DENND1A: variants seen among roughly 807,000 people sequenced by gnomAD.
DENND1A encodes the protein DENN domain containing 1A, also known as DENN domain-containing protein 1A.
In DENND1A, 51 loss-of-function variants were observed where a neutral mutation model predicts 113.7. That is an observed-to-expected ratio of 0.45 (90% CI 0.36 to 0.57). The LOEUF (loss-of-function observed/expected upper bound fraction) is 0.57, where lower values mean the gene tolerates loss of function less well. Ranked by LOEUF, DENND1A falls within the 20% of genes least tolerant of loss-of-function variation. The pLI is 0.00. For missense variants in DENND1A, 1,258 were observed against 1,395.9 expected (o/e 0.90, Z 1.57); for synonymous variants, 565 against 570.8 (o/e 0.99, Z 0.14).
At chr9:123,528,467 C>CTAGAATT (rs1278897134) in intron 13 of DENND1A, among the ~76,000 whole-genome samples, 1 of 152,206 alleles carries the variant, frequency 6.6e-6, no homozygotes, top group African/African-American at 2.4e-5. Context: ...GGATCCCTAG[C>CTAGAATT]TAGAATTTTA....
chr9:123,498,777 C>T (rs1465007828), intron 13 of DENND1A, among the ~76,000 whole-genome samples: 1 of 151,694 alleles, frequency 6.6e-6, no homozygotes, highest in African/African-American at 2.4e-5. Context: ...AGCTGGAGTA[C>T]AGTGGCGTGA....
intron 2 of DENND1A, among the ~76,000 whole-genome samples, chr9:123,841,659 C>G (rs1019329996): frequency 6.6e-6 from 1 of 152,024 alleles, no homozygotes; most frequent in Non-Finnish European, 1.5e-5. Context: ...AAGGTTCCCC[C>G]CTAAGGATGA....
At chr9:123,662,940 A>G (rs72757131) in intron 8 of DENND1A, among the ~76,000 whole-genome samples, 2,677 of 152,322 alleles carry the variant, frequency 0.018, 29 homozygotes, top group Non-Finnish European at 0.028. Context: ...AGGAAAATCA[A>G]TAAGTGATAT....
intron 2 of DENND1A, among the ~76,000 whole-genome samples, chr9:123,836,533 T>C (rs902054385): frequency 1.3e-5 from 2 of 152,144 alleles, no homozygotes; most frequent in Admixed American, 6.5e-5. Flanking sequence ...AAAAAGGATA[T>C]ATAATAAAAT....
intron 5 of DENND1A, among the ~76,000 whole-genome samples, chr9:123,722,386 A>G (rs1008656956): frequency 6.6e-6 from 1 of 152,252 alleles, no homozygotes; most frequent in African/African-American, 2.4e-5. Flanking sequence ...CATTTTGCTG[A>G]GGAGAAATTC....
chr9:123,667,687 T>C (rs1180518369), intron 7 of DENND1A, among the ~76,000 whole-genome samples: 1 of 152,194 alleles, frequency 6.6e-6, no homozygotes, highest in African/African-American at 2.4e-5. Context: ...GGTTTCATAA[T>C]TTATTGTTCA....
chr9:123,885,244 A>G (rs558868710), intron 1 of DENND1A, among the ~76,000 whole-genome samples: 1 of 152,316 alleles, frequency 6.6e-6, no homozygotes, highest in South Asian at 2.1e-4. Context: ...ATCTCCAGGC[A>G]CTGATACTTT....
intron 2 of DENND1A, among the ~76,000 whole-genome samples, chr9:123,797,464 C>T (rs1833955116): frequency 1.3e-5 from 2 of 152,108 alleles, no homozygotes; most frequent in African/African-American, 2.4e-5. Context: ...CCCCAAAATA[C>T]ACCCAGAAAT....
chr9:123,721,699 G>A (rs1186015560), intron 5 of DENND1A, among the ~76,000 whole-genome samples: 1 of 152,176 alleles, frequency 6.6e-6, no homozygotes, highest in Non-Finnish European at 1.5e-5. Flanking sequence ...AAAAATGGGA[G>A]TTTCCCTGTA....
intron 21 of DENND1A, among the ~76,000 whole-genome samples, chr9:123,390,251 C>T (rs539040419): frequency 5.3e-5 from 8 of 152,330 alleles, no homozygotes; most frequent in Non-Finnish European, 1.0e-4. Flanking sequence ...TGGAAGTTTG[C>T]GAATGAATGA....
chr9:123,890,278 G>A (rs1273859299), intron 1 of DENND1A, among the ~76,000 whole-genome samples: 1 of 152,178 alleles, frequency 6.6e-6, no homozygotes, highest in Non-Finnish European at 1.5e-5. Context: ...GTTTAGAGTG[G>A]CTGGGGGAAT....
chr9:123,520,152 A>C (rs2054275868), intron 13 of DENND1A, among the ~76,000 whole-genome samples: 1 of 147,842 alleles, frequency 6.8e-6, no homozygotes, highest in South Asian at 2.2e-4. Context: ...TGTCTCAAAA[A>C]AAAAAAAAAA....
At chr9:123,495,171 T>TCTCTCTCTCTCTCTCTC (rs1564598042) in intron 13 of DENND1A, among the ~76,000 whole-genome samples, 2 of 76,292 alleles carry the variant, frequency 2.6e-5, no homozygotes, top group African/African-American at 1.4e-4. Flanking sequence ...CTCTCTCTCT[T>TCTCTCTCTCTCTCTCTC]ATAATGTCTG....
intron 1 of DENND1A, among the ~76,000 whole-genome samples, chr9:123,901,473 T>C (rs1222223529): frequency 1.3e-5 from 2 of 152,220 alleles, no homozygotes; most frequent in Non-Finnish European, 2.9e-5. Flanking sequence ...TAGTTTCCAC[T>C]GTCATGAACT....
At chr9:123,887,312 C>T (rs1331468022) in intron 1 of DENND1A, among the ~76,000 whole-genome samples, 1 of 151,988 alleles carries the variant, frequency 6.6e-6, no homozygotes, top group African/African-American at 2.4e-5. Context: ...CTGGGCGGGG[C>T]AAGGAAGGTG....
At chr9:123,383,610 A>G (rs752740160) in intron 23 of DENND1A, 45 bp downstream of exon 23, 7 of 1,584,042 alleles carry the variant, frequency 4.4e-6, no homozygotes, top group East Asian at 2.2e-5. Flanking sequence ...TCGTGTGCGG[A>G]CAGTGCCGGC....
At chr9:123,865,181 C>T (rs953044876) in intron 2 of DENND1A, among the ~76,000 whole-genome samples, 1 of 152,074 alleles carries the variant, frequency 6.6e-6, no homozygotes, top group African/African-American at 2.4e-5. Flanking sequence ...GCTTTCAAAA[C>T]AAGAAGTGAA....
rs1414468616 is a variant in DENND1A, at chr9:123,445,669, G to A, written c.1356+5024C>T. 4.6e-5 allele frequency among the ~76,000 whole-genome samples: 7 copies of A among 152,182 alleles called. No homozygotes were observed. In the East Asian group the frequency reaches 5.8e-4, roughly 13 times the overall value. ...GCAGATCACCTAAGGTCAGGAGTTC[G>A]AGACCAGCCTGGCCAACATGGCAAA... On this transcript the variant is annotated intron_variant, in intron 18 of 23. Transcript: ENST00000394215.
chr9:123,701,975 A>G (rs149344458), intron 5 of DENND1A, among the ~76,000 whole-genome samples: 1 of 152,364 alleles, frequency 6.6e-6, no homozygotes, highest in African/African-American at 2.4e-5. Context: ...GTGACTGACC[A>G]TAAAGAGACA....
Sources: allele counts gnomAD v4.1 joint callset (sites outside exome capture counted in the v4.1 genomes callset), GRCh38; gene constraint gnomAD v4.1.1; transcripts MANE v1.5; gene names NCBI Gene and HGNC (gene_info 2026-07-23, HGNC 2026-07-21).